Variants in NELL2 observed in about 807,000 individuals in gnomAD.
NELL2 encodes neural EGFL like 2, also known as protein kinase C-binding protein NELL2.
NELL2 carries 41 observed loss-of-function variants against 109.6 expected under a neutral mutation model. The observed-to-expected ratio is 0.37, with a 90% CI of 0.29 to 0.49. NELL2 has a LOEUF of 0.49. NELL2 is among the 20% of genes least tolerant of loss of function. NELL2 has a pLI of 0.98. For synonymous variants in NELL2, 355 were observed against 344.7 expected, an observed-to-expected ratio of 1.03 and a Z score of -0.33; for missense variants, 900 against 1,008.3, an observed-to-expected ratio of 0.89 and a Z score of 1.45.
At chr12:44,715,692 T>C (rs1170252661) in intron 9 of NELL2, among the ~76,000 whole-genome samples, 1 of 152,148 alleles carries the variant, frequency 6.6e-6, no homozygotes, top group Non-Finnish European at 1.5e-5. Flanking sequence ...CATCTAGATC[T>C]ACCCCAAGAT....
chr12:44,860,208 A>G (rs1328258873), intron 2 of NELL2, among the ~76,000 whole-genome samples: 1 of 152,226 alleles, frequency 6.6e-6, no homozygotes, highest in Non-Finnish European at 1.5e-5. Context: ...GTACGTCCCA[A>G]ATGACTAATA....
intron 2 of NELL2, among the ~76,000 whole-genome samples, chr12:44,842,639 GA>G (rs998137903): frequency 6.6e-6 from 1 of 152,142 alleles, no homozygotes; most frequent in Non-Finnish European, 1.5e-5. Context: ...ACTTCATTAA[GA>G]AAATAAATAA....
chr12:44,840,884 T>C (rs1227375218), intron 2 of NELL2, among the ~76,000 whole-genome samples: 1 of 152,196 alleles, frequency 6.6e-6, no homozygotes, highest in Non-Finnish European at 1.5e-5. Context: ...TCTTTTAAAA[T>C]GCTGAAAATG....
In NELL2 at chr12:44,532,772, A is replaced by G. The variant is rs1592079115; in HGVS notation, c.1664-51T>C. 7 of 1,554,416 alleles carry G rather than the reference A, an allele frequency of 4.5e-6. No individual in the cohort carries two copies. The East Asian group carries it at 1.6e-4, about 36-fold the overall frequency. On this transcript the variant is annotated intron_variant, in intron 15 of 19. Transcript: ENST00000429094. Reference sequence around the variant, plus strand: ...AAATTATTTATCTTCTTTGAAAGAAACTAGAATATTCTGCTACAAGGCTAC... The same window carrying G: ...AAATTATTTATCTTCTTTGAAAGAAGCTAGAATATTCTGCTACAAGGCTAC...
At chr12:44,807,018 C>A (rs1943023590) in intron 3 of NELL2, among the ~76,000 whole-genome samples, 1 of 150,572 alleles carries the variant, frequency 6.6e-6, no homozygotes, top group Admixed American at 6.6e-5. Flanking sequence ...ACAGGGAAAC[C>A]ATAAAAAAAT....
intron 13 of NELL2, among the ~76,000 whole-genome samples, chr12:44,635,771 T>C (rs1190660093): frequency 6.6e-6 from 1 of 152,198 alleles, no homozygotes; most frequent in East Asian, 1.9e-4. Context: ...ATGTGGGCTC[T>C]TTTTTGGTTC....
At chr12:44,647,443 C>T (rs1947133945) in intron 13 of NELL2, among the ~76,000 whole-genome samples, 1 of 152,014 alleles carries the variant, frequency 6.6e-6, no homozygotes, top group Admixed American at 6.6e-5. Flanking sequence ...GGGATATCTG[C>T]TGCATAGAGA....
intron 19 of NELL2, among the ~76,000 whole-genome samples, chr12:44,516,400 G>GT (rs1466743575): frequency 2.0e-5 from 3 of 152,094 alleles, no homozygotes; most frequent in Non-Finnish European, 4.4e-5. Flanking sequence ...GGTGCGGATA[G>GT]TATGTGTTGC....
chr12:44,722,181 CTT>C (rs112801177), intron 9 of NELL2, among the ~76,000 whole-genome samples: 1 of 146,820 alleles, frequency 6.8e-6, no homozygotes, highest in African/African-American at 2.5e-5. Context: ...AAATAAGAAA[CTT>C]TTTTTTTTTT....
chr12:44,822,671 G>A (rs181783731), intron 2 of NELL2, among the ~76,000 whole-genome samples: 3 of 152,248 alleles, frequency 2.0e-5, no homozygotes, highest in African/African-American at 7.2e-5. Flanking sequence ...AACTGCTTGA[G>A]TTTAAATGTA....
intron 13 of NELL2, among the ~76,000 whole-genome samples, chr12:44,658,509 T>C (rs1350800141): frequency 6.6e-6 from 1 of 152,216 alleles, no homozygotes; most frequent in Admixed American, 6.5e-5. Flanking sequence ...AAAATGGCCA[T>C]ACTGCCCAAA....
At chr12:44,779,642 C>T in intron 5 of NELL2, 21 bp downstream of exon 5, 3 of 1,587,198 alleles carry the variant, frequency 1.9e-6, no homozygotes, top group Non-Finnish European at 2.6e-6. Flanking sequence ...ATTTCATTCT[C>T]AGACTTTTGC....
chr12:44,571,289 C>T (rs947983870), intron 15 of NELL2, among the ~76,000 whole-genome samples: 9 of 152,104 alleles, frequency 5.9e-5, no homozygotes, highest in Admixed American at 2.6e-4. Context: ...CATAGTAGTG[C>T]CTTCTTGGCT....
At chr12:44,708,226 T>C (rs1937996223) in intron 11 of NELL2, among the ~76,000 whole-genome samples, 1 of 152,208 alleles carries the variant, frequency 6.6e-6, no homozygotes. Flanking sequence ...GGAAAACTTT[T>C]CTGCTACATT....
intron 15 of NELL2, among the ~76,000 whole-genome samples, chr12:44,598,947 C>T (rs10785513): frequency 0.52 from 79,119 of 151,166 alleles, 23,449 homozygotes; most frequent in African/African-American, 0.82. Flanking sequence ...CCAGCACAGG[C>T]GATTAGGAGG....
chr12:44,913,511 G>A (rs1003600302), intron 1 of NELL2, among the ~76,000 whole-genome samples: 2 of 152,062 alleles, frequency 1.3e-5, no homozygotes, highest in African/African-American at 4.8e-5. Flanking sequence ...TATAATATAG[G>A]AATTTTCTCC....
At chr12:44,831,811 T>C (rs1943896239) in intron 2 of NELL2, among the ~76,000 whole-genome samples, 1 of 152,174 alleles carries the variant, frequency 6.6e-6, no homozygotes, top group South Asian at 2.1e-4. Context: ...CGTGAGTAAT[T>C]TCAGGTGGCA....
intron 2 of NELL2, among the ~76,000 whole-genome samples, chr12:44,854,712 GTGGGTGGA>G (rs1944631532): frequency 2.0e-5 from 3 of 147,744 alleles, no homozygotes; most frequent in Non-Finnish European, 3.0e-5. Context: ...GGATGGGTGG[GTGGGTGGA>G]TGGATGGATG....
intron 15 of NELL2, among the ~76,000 whole-genome samples, chr12:44,554,101 G>A (rs1461747142): frequency 6.6e-6 from 1 of 152,136 alleles, no homozygotes; most frequent in African/African-American, 2.4e-5. Flanking sequence ...ATATTATCAT[G>A]AGGAATCTGC....
Sources: allele counts gnomAD v4.1 joint callset (sites outside exome capture counted in the v4.1 genomes callset), GRCh38; gene constraint gnomAD v4.1.1; transcripts MANE v1.5; gene names NCBI Gene and HGNC (gene_info 2026-07-23, HGNC 2026-07-21).